Variants in PPP2CA observed in about 807,000 individuals in gnomAD.
PPP2CA encodes the protein protein phosphatase 2 catalytic subunit alpha.
A neutral mutation model predicts 38.8 loss-of-function variants in PPP2CA; 5 were observed. The observed-to-expected ratio is 0.13, with a 90% CI of 0.07 to 0.27. The LOEUF (loss-of-function observed/expected upper bound fraction) is 0.27. Among genes scored for constraint, PPP2CA ranks in the 10% least tolerant of loss-of-function variants. The pLI is 1.00. For missense variants in PPP2CA, 88 were observed against 389.7 expected (o/e 0.23, Z 6.52); for synonymous variants, 152 against 134.0 (o/e 1.13, Z -0.93).
At chr5:134,215,615 T>C (rs1042420408) in intron 1 of PPP2CA, among the ~76,000 whole-genome samples, 7 of 151,916 alleles carry the variant, frequency 4.6e-5, no homozygotes, top group East Asian at 1.9e-4. Context: ...AGTAAAAATT[T>C]TGTTGTAGAG....
chr5:134,224,762 A>ATTG (rs1467931881), intron 1 of PPP2CA, among the ~76,000 whole-genome samples: 2 of 152,268 alleles, frequency 1.3e-5, no homozygotes, highest in Admixed American at 1.3e-4. Context: ...GCTAATATAA[A>ATTG]GTTTAGTGTT....
At position 134,197,676 on chromosome 5, in the gene PPP2CA, A is replaced by T; in HGVS notation, c.*96T>A. ...TGTGAAAACAAGTTTTTTGAATGTTAACTATTTTCTGACACTTTGGAGTTA... is the reference window on the plus strand; with the variant it reads ...TGTGAAAACAAGTTTTTTGAATGTTTACTATTTTCTGACACTTTGGAGTTA... On this transcript the variant is annotated 3_prime_UTR_variant, in exon 7 of 7. Transcript: ENST00000481195. The T allele has an allele frequency of 1.0e-6, 1 of 995,154 alleles. No homozygotes were observed. The allele number at this position is 995,154 out of a possible 1,614,324, so 61.6% of individuals were successfully genotyped here. A position where few individuals can be genotyped will look rare whatever the true frequency, so the allele number is the denominator to read the frequency against.
At chr5:134,201,589 C>T (rs1761967052) in intron 3 of PPP2CA, among the ~76,000 whole-genome samples, 1 of 152,214 alleles carries the variant, frequency 6.6e-6, no homozygotes, top group African/African-American at 2.4e-5. Context: ...CAAAAACAGT[C>T]TGAGAGGGTA....
rs185931295 is a variant in PPP2CA at position 134,207,976 on chromosome 5, T to C, written c.103-1845A>G. On this transcript the variant is annotated intron_variant, in intron 1 of 6. Coordinates refer to ENST00000481195, the MANE Select transcript of PPP2CA (RefSeq NM_002715.4). ...AAAAAACACAAATTCACTAGGCTTA[T>C]TCCATTACCAAGTCTGTCTGGCATT... 9.2e-4 allele frequency among the ~76,000 whole-genome samples: 140 copies of C among 152,330 alleles called. 1 individual carries two copies. Among genetic ancestry groups the C allele is most frequent in the Admixed American group, 4.6e-3 (71 of 15,298 alleles).
At chr5:134,216,537 C>CAAAAA (rs748030385) in intron 1 of PPP2CA, among the ~76,000 whole-genome samples, 16 of 29,584 alleles carry the variant, frequency 5.4e-4, no homozygotes, top group South Asian at 1.1e-3. Flanking sequence ...GAGACTGCCT[C>CAAAAA]AAAAAAAAAA....
At chr5:134,200,620 T>G in intron 4 of PPP2CA, 124 bp from the exon 5 acceptor site, 1 of 1,059,896 alleles carries the variant, frequency 9.4e-7, no homozygotes, top group Non-Finnish European at 1.4e-6. Context: ...ACAATGCTAA[T>G]AGACTGTGCA....
chr5:134,212,949 G>C (rs1762232774), intron 1 of PPP2CA, among the ~76,000 whole-genome samples: 1 of 152,204 alleles, frequency 6.6e-6, no homozygotes, highest in Admixed American at 6.5e-5. Flanking sequence ...AAAGCTAGCA[G>C]ACTGGTTCAT....
intron 1 of PPP2CA, among the ~76,000 whole-genome samples, chr5:134,224,732 G>A (rs775553935): frequency 2.0e-5 from 3 of 152,104 alleles, no homozygotes; most frequent in Non-Finnish European, 4.4e-5. Flanking sequence ...CAACCCCCAG[G>A]GGAAAACAAA....
At position 134,197,417 on chromosome 5, in the gene PPP2CA, T is replaced by C. The variant is rs1761877520; in HGVS notation, c.*355A>G. On this transcript the variant is annotated 3_prime_UTR_variant, in exon 7 of 7. Transcript: ENST00000481195. Reference sequence around the variant, plus strand: ...TATCCTTATCTACAGTCATGCTGAGTAAAGCTATAGCTAAATGGAAGTTAA... The same window carrying C: ...TATCCTTATCTACAGTCATGCTGAGCAAAGCTATAGCTAAATGGAAGTTAA... The C allele has an allele frequency of 4.8e-6, 1 of 207,788 alleles. No individual in the cohort carries two copies. Among genetic ancestry groups the C allele is most frequent in the Non-Finnish European group, 9.8e-6 (1 of 101,636 alleles). The allele number at this position is 207,788 out of a possible 1,614,324, so 12.9% of individuals were successfully genotyped here.
intron 1 of PPP2CA, among the ~76,000 whole-genome samples, chr5:134,219,360 C>T (rs1463239946): frequency 6.6e-6 from 1 of 152,220 alleles, no homozygotes; most frequent in Non-Finnish European, 1.5e-5. Context: ...CACACGATAG[C>T]ATCAATGACA....
chr5:134,212,357 T>C (rs907896574), intron 1 of PPP2CA, among the ~76,000 whole-genome samples: 1 of 152,214 alleles, frequency 6.6e-6, no homozygotes, highest in African/African-American at 2.4e-5. Context: ...TTGTATCTGT[T>C]ATGGTGATAT....
At chr5:134,214,538 C>A (rs1762277190) in intron 1 of PPP2CA, among the ~76,000 whole-genome samples, 1 of 152,154 alleles carries the variant, frequency 6.6e-6, no homozygotes, top group African/African-American at 2.4e-5. Flanking sequence ...AGAATATACT[C>A]ATTCTCAGCT....
At chr5:134,210,140 T>A (rs1376855193) in intron 1 of PPP2CA, among the ~76,000 whole-genome samples, 2 of 151,652 alleles carry the variant, frequency 1.3e-5, no homozygotes, top group Non-Finnish European at 2.9e-5. Context: ...AAAATAAAGA[T>A]AAGCTGTGCT....
chr5:134,210,545 TA>T, intron 1 of PPP2CA, among the ~76,000 whole-genome samples: 1 of 152,298 alleles, frequency 6.6e-6, no homozygotes, highest in South Asian at 2.1e-4. Context: ...ATAAAGTTTT[TA>T]AAAGAATGTA....
At chr5:134,216,483 T>C (rs2149387431) in intron 1 of PPP2CA, among the ~76,000 whole-genome samples, 1 of 135,262 alleles carries the variant, frequency 7.4e-6, no homozygotes, top group East Asian at 2.1e-4. Context: ...GAGGTTGCAG[T>C]GGGCTGAGAT....
chr5:134,200,852 G>C, intron 4 of PPP2CA, 133 bp downstream of exon 4: 1 of 737,590 alleles, frequency 1.4e-6, no homozygotes, highest in Non-Finnish European at 2.2e-6. Context: ...TGAACAACAG[G>C]GCAGACAAGA....
chr5:134,220,875 T>C (rs1762426303), intron 1 of PPP2CA, among the ~76,000 whole-genome samples: 1 of 152,222 alleles, frequency 6.6e-6, no homozygotes, highest in African/African-American at 2.4e-5. Flanking sequence ...CTACAGTACA[T>C]GAGCTTCAAC....
intron 6 of PPP2CA, 137 bp from the exon 7 acceptor site, chr5:134,197,981 A>G (rs977311515): frequency 1.4e-6 from 1 of 709,174 alleles, no homozygotes; most frequent in South Asian, 1.6e-5. Flanking sequence ...AACCTTAATG[A>G]TAATGGTCTG....
chr5:134,209,576 T>C (rs1479601750), intron 1 of PPP2CA, among the ~76,000 whole-genome samples: 4 of 152,006 alleles, frequency 2.6e-5, no homozygotes, highest in Non-Finnish European at 5.9e-5. Context: ...GGTCAGGAGC[T>C]CCAGACCAGC....
Sources: allele counts gnomAD v4.1 joint callset (sites outside exome capture counted in the v4.1 genomes callset), GRCh38; gene constraint gnomAD v4.1.1; transcripts MANE v1.5; gene names NCBI Gene and HGNC (gene_info 2026-07-23, HGNC 2026-07-21).